MCPH1: variants seen among roughly 807,000 people sequenced by gnomAD.
The protein encoded by MCPH1 is microcephalin 1.
In MCPH1, 104 loss-of-function variants were observed where a neutral mutation model predicts 84.5. The observed-to-expected ratio is 1.23, with a 90% CI of 1.05 to 1.45. MCPH1 has a LOEUF of 1.45. Among genes scored for constraint, MCPH1 ranks in the 40% most tolerant of loss-of-function variants. MCPH1 has a pLI of 0.00. For missense variants in MCPH1, 1,498 were observed against 1,005.7 expected (o/e 1.49, Z -6.62); for synonymous variants, 514 against 366.8 (o/e 1.40, Z -4.58).
At chr8:6,582,660 A>G (rs906271233) in intron 12 of MCPH1, among the ~76,000 whole-genome samples, 1 of 152,100 alleles carries the variant, frequency 6.6e-6, no homozygotes, top group African/African-American at 2.4e-5. Flanking sequence ...AGTTCCACAT[A>G]TCCCATTACC....
intron 11 of MCPH1, among the ~76,000 whole-genome samples, chr8:6,497,883 C>G (rs576508921): frequency 1.3e-5 from 2 of 152,144 alleles, no homozygotes; most frequent in African/African-American, 2.4e-5. Context: ...AAGTTGAACA[C>G]TTAAGGTTTT....
chr8:6,598,393 A>G (rs1829088477), intron 12 of MCPH1, among the ~76,000 whole-genome samples: 1 of 151,952 alleles, frequency 6.6e-6, no homozygotes, highest in Admixed American at 6.6e-5. Context: ...CCAAAGACAG[A>G]GCCGGCGACC....
intron 3 of MCPH1, among the ~76,000 whole-genome samples, chr8:6,422,369 A>G (rs1311291039): frequency 1.3e-5 from 2 of 152,258 alleles, no homozygotes; most frequent in Non-Finnish European, 2.9e-5. Flanking sequence ...AAAGTCGTAT[A>G]GAAATGTGGA....
chr8:6,451,253 A>G (rs1005607738), intron 8 of MCPH1, among the ~76,000 whole-genome samples: 2 of 152,348 alleles, frequency 1.3e-5, no homozygotes, highest in African/African-American at 2.4e-5. Flanking sequence ...ACAGAAGGCT[A>G]TTGACCACTT....
Position 6,442,111 on chromosome 8 carries a change from CTG to C in MCPH1, c.630_631del (p.Cys210Ter). 2.5e-6 allele frequency: 4 copies of C among 1,613,706 alleles called. No homozygotes were observed. Among genetic ancestry groups the C allele is most frequent in the Non-Finnish European group, 3.4e-6 (4 of 1,179,640 alleles). On this transcript the variant is annotated frameshift_variant, in exon 7 of 14. Transcript: ENST00000344683. LOFTEE classifies it high-confidence loss of function. ...GTCTCATGATAATCCAAGTAACTCT[CTG>C]TGTGAAGCACCTTTGAACATTTCAC... ...QQSHDNPSNS[L>X]CEAPLNISRD...
intron 2 of MCPH1, among the ~76,000 whole-genome samples, chr8:6,410,596 G>T (rs551928417): frequency 3.3e-4 from 51 of 152,286 alleles, no homozygotes; most frequent in Non-Finnish European, 6.6e-4. Flanking sequence ...TACCAAATAG[G>T]TATCTTTTGC....
intron 3 of MCPH1, among the ~76,000 whole-genome samples, chr8:6,426,194 C>T (rs1801034277): frequency 2.6e-5 from 4 of 152,126 alleles, no homozygotes; most frequent in Admixed American, 2.6e-4. Context: ...TTAAAATCAG[C>T]TTTATAAAAA....
chr8:6,474,400 G>A (rs912983722), intron 9 of MCPH1: 2 of 275,418 alleles, frequency 7.3e-6, no homozygotes, highest in South Asian at 1.2e-4. Flanking sequence ...GAGTCTGTGG[G>A]GTCAAAACTA....
At chr8:6,610,406 A>T (rs1310056268) in intron 12 of MCPH1, among the ~76,000 whole-genome samples, 2 of 152,136 alleles carry the variant, frequency 1.3e-5, no homozygotes, top group Non-Finnish European at 2.9e-5. Context: ...TTTATAACTT[A>T]CCTTAAATCT....
At chr8:6,613,748 G>T (rs528720906) in intron 12 of MCPH1, among the ~76,000 whole-genome samples, 1 of 152,218 alleles carries the variant, frequency 6.6e-6, no homozygotes, top group East Asian at 1.9e-4. Flanking sequence ...TAACAGCGAG[G>T]TTGAAGTGGG....
intron 13 of MCPH1, chr8:6,625,116 C>T (rs1214544550): frequency 3.5e-6 from 3 of 864,094 alleles, no homozygotes; most frequent in African/African-American, 1.8e-5. Flanking sequence ...CTCAAGTGAT[C>T]CTCCTGCCTC....
At chr8:6,495,650 A>C (rs183725152) in intron 11 of MCPH1, among the ~76,000 whole-genome samples, 97 of 152,304 alleles carry the variant, frequency 6.4e-4, no homozygotes, top group Non-Finnish European at 1.2e-4. Context: ...TATAATAAAT[A>C]ATGTGTTTCT....
chr8:6,501,649 G>A (rs1027666929), intron 12 of MCPH1: 1 of 147,792 alleles, frequency 6.8e-6, no homozygotes, highest in Non-Finnish European at 1.5e-5. Context: ...CTACCTCCCT[G>A]GTGCAAGCAA....
intron 12 of MCPH1, among the ~76,000 whole-genome samples, chr8:6,512,326 C>G (rs1256951050): frequency 6.6e-6 from 1 of 152,144 alleles, no homozygotes; most frequent in Non-Finnish European, 1.5e-5. Context: ...GCAGCCTGCT[C>G]AAGGACTTTA....
At chr8:6,454,301 A>C (rs1315603125) in intron 8 of MCPH1, among the ~76,000 whole-genome samples, 1 of 152,230 alleles carries the variant, frequency 6.6e-6, no homozygotes, top group Non-Finnish European at 1.5e-5. Flanking sequence ...TTAGGTAATC[A>C]ACAGTGCAGT....
intron 12 of MCPH1, among the ~76,000 whole-genome samples, chr8:6,604,020 T>C (rs1829565821): frequency 6.7e-6 from 1 of 149,614 alleles, no homozygotes; most frequent in Non-Finnish European, 1.5e-5. Flanking sequence ...TTTTTTAACC[T>C]GTCTGTGACA....
chr8:6,632,570 A>G (rs370165100), intron 13 of MCPH1, among the ~76,000 whole-genome samples: 50 of 152,270 alleles, frequency 3.3e-4, no homozygotes, highest in East Asian at 1.7e-3. Context: ...AACACTTTGG[A>G]AGGCCGAGGG....
chr8:6,624,107 C>T (rs531456030), intron 13 of MCPH1, among the ~76,000 whole-genome samples: 21 of 152,322 alleles, frequency 1.4e-4, no homozygotes, highest in Middle Eastern at 3.4e-3. Context: ...TCACTTCCTC[C>T]GGTTGTTTTG....
At chr8:6,465,379 A>T (rs912764360) in intron 9 of MCPH1, among the ~76,000 whole-genome samples, 1 of 152,168 alleles carries the variant, frequency 6.6e-6, no homozygotes, top group Admixed American at 6.5e-5. Flanking sequence ...TGACCCTGCC[A>T]CTGCGCTGCT....
Sources: gnomAD v4.1 joint callset for allele counts (sites outside exome capture counted in the v4.1 genomes callset) on GRCh38, gnomAD v4.1.1 for gene constraint, MANE v1.5 for transcripts, NCBI Gene and HGNC (gene_info 2026-07-23, HGNC 2026-07-21) for gene names.